Variants in CTDSPL observed in about 807,000 individuals in gnomAD.
The protein encoded by CTDSPL is CTD small phosphatase like.
Under a neutral mutation model 30.5 loss-of-function variants are expected in CTDSPL, and 8 were observed. That is an observed-to-expected ratio of 0.26 (90% confidence interval 0.15 to 0.47). The LOEUF (loss-of-function observed/expected upper bound fraction) is 0.47. CTDSPL is among the 20% of genes least tolerant of loss of function. The pLI is 0.99. For synonymous variants in CTDSPL, 110 were observed against 137.9 expected (o/e 0.80, Z 1.42); for missense variants, 248 against 366.1 (o/e 0.68, Z 2.63).
intron 1 of CTDSPL, among the ~76,000 whole-genome samples, chr3:37,900,595 C>T (rs1360298376): frequency 6.6e-6 from 1 of 152,106 alleles, no homozygotes; most frequent in East Asian, 1.9e-4. Context: ...AAAGATAAGT[C>T]ATCCATAATA....
chr3:37,925,161 C>T (rs985457666), intron 1 of CTDSPL, among the ~76,000 whole-genome samples: 1 of 152,156 alleles, frequency 6.6e-6, no homozygotes, highest in African/African-American at 2.4e-5. Flanking sequence ...CCTCTCTCCC[C>T]ACAACAGAAG....
chr3:37,981,617 T>C lies in CTDSPL; in HGVS notation c.*750T>C, dbSNP rs1559651479. On this transcript the variant is annotated 3_prime_UTR_variant, in exon 8 of 8. Transcript: ENST00000273179. ...CTTTAGGAAACAATAGATTATTTTA[T>C]ATTATTATTTCTGATGGTGACAAGT... 1 of 319,888 alleles carries C rather than the reference T, an allele frequency of 3.1e-6. No homozygotes were observed. Among genetic ancestry groups the C allele is most frequent in the Non-Finnish European group, 6.2e-6 (1 of 160,962 alleles). The allele number at this position is 319,888 out of a possible 1,614,324, so 19.8% of individuals were successfully genotyped here.
intron 1 of CTDSPL, among the ~76,000 whole-genome samples, chr3:37,879,707 C>T (rs1698179988): frequency 6.6e-6 from 1 of 152,124 alleles, no homozygotes. Context: ...CAGGATGCAG[C>T]AAATAGAGTA....
At position 37,862,734 on chromosome 3, in the gene CTDSPL, CTG is replaced by C. The variant is rs1697957923; in HGVS notation, c.79+459_79+460del. Among the ~76,000 whole-genome samples the C allele has an allele frequency of 6.6e-6, 1 of 152,152 alleles. No homozygotes were observed. The highest frequency in any genetic ancestry group is 2.4e-5 in the African/African-American group (1 of 41,524). Reference sequence around the variant, plus strand: ...TGTGAGTGCTTTTTTTCCTGACAGGCTGTGAGTTTGTGTTGTGTGTATTAGAG... The same window carrying C: ...TGTGAGTGCTTTTTTTCCTGACAGGCTGAGTTTGTGTTGTGTGTATTAGAG... On this transcript the variant is annotated intron_variant, in intron 1 of 7. Transcript: ENST00000273179. The surrounding 1 kb of genome is among the most constrained non-coding windows in gnomAD (Gnocchi z 4.3).
chr3:37,895,337 C>A (rs766458312), intron 1 of CTDSPL, among the ~76,000 whole-genome samples: 3 of 152,182 alleles, frequency 2.0e-5, no homozygotes, highest in African/African-American at 7.2e-5. Context: ...GGTTGCTTAG[C>A]GTCTGCCCCA....
chr3:37,913,290 A>G (rs529093426), intron 1 of CTDSPL, among the ~76,000 whole-genome samples: 31 of 152,336 alleles, frequency 2.0e-4, no homozygotes, highest in African/African-American at 7.5e-4. Context: ...ACTGCACTCC[A>G]GCCTGGGTGA....
intron 2 of CTDSPL, among the ~76,000 whole-genome samples, chr3:37,952,438 C>A (rs1253581912): frequency 2.0e-5 from 3 of 152,184 alleles, no homozygotes; most frequent in Non-Finnish European, 4.4e-5. Context: ...TATTTATGAT[C>A]TCAAAGTCGC....
At chr3:37,942,384 T>C (rs750342356) in intron 1 of CTDSPL, among the ~76,000 whole-genome samples, 7 of 150,630 alleles carry the variant, frequency 4.6e-5, no homozygotes, top group Non-Finnish European at 8.9e-5. Flanking sequence ...GCCTCACAAC[T>C]GTAAGCCCAG....
intron 1 of CTDSPL, among the ~76,000 whole-genome samples, chr3:37,869,042 A>G (rs985777749): frequency 2.0e-5 from 3 of 151,336 alleles, no homozygotes; most frequent in Non-Finnish European, 2.9e-5. Flanking sequence ...TGAACACAGT[A>G]CGTCTCTCTA....
chr3:37,894,573 T>C (rs1698370292), intron 1 of CTDSPL, among the ~76,000 whole-genome samples: 3 of 152,214 alleles, frequency 2.0e-5, no homozygotes, highest in Admixed American at 1.3e-4. Flanking sequence ...TATGTTTATC[T>C]TGCTTAGACT....
chr3:37,950,610 C>T (rs1699095788), intron 2 of CTDSPL, among the ~76,000 whole-genome samples: 1 of 152,104 alleles, frequency 6.6e-6, no homozygotes, highest in African/African-American at 2.4e-5. Context: ...GAACAGCAGG[C>T]ATCTAGGAGA....
At position 37,862,268 on chromosome 3, in the gene CTDSPL, G is replaced by A. The variant is rs1697950013; in HGVS notation, c.69G>A (p.Ala23=). ...PKEDEGRLPG[A]GEKASQCNVS... Reference sequence around the variant, plus strand: ...AGGACGAGGGCCGGTTGCCGGGCGCGGGCGAGAAAGGTGAGGAGGGGCGCA... The same window carrying A: ...AGGACGAGGGCCGGTTGCCGGGCGCAGGCGAGAAAGGTGAGGAGGGGCGCA... The change falls in exon 1 of 8, where the codon GCG becomes GCA. Residue 23 remains alanine, a synonymous_variant. Coordinates refer to ENST00000273179, the MANE Select transcript of CTDSPL (RefSeq NM_001008392.2). This position sits in a 1 kb window ranked among gnomAD's most constrained non-coding sequence, Gnocchi z 4.3. 7.4e-6 allele frequency: 11 copies of A among 1,494,572 alleles called. No homozygotes were observed. The highest frequency in any genetic ancestry group is 9.8e-6 in the Non-Finnish European group (11 of 1,125,398). 92.6% of individuals were successfully genotyped at this position (1,494,572 alleles called of 1,614,324 possible).
In CTDSPL at chr3:37,968,229, A is replaced by G. The variant is rs1175006070; in HGVS notation, c.426+347A>G. The G allele has an allele frequency of 6.5e-6, 3 of 460,916 alleles. No homozygotes were observed. The Admixed American group carries it at 7.5e-5, about 11-fold the overall frequency. The allele number at this position is 460,916 out of a possible 1,614,324, so 28.6% of individuals were successfully genotyped here. On this transcript the variant is annotated intron_variant, in intron 5 of 7. Coordinates refer to ENST00000273179, the MANE Select transcript of CTDSPL (RefSeq NM_001008392.2). ...CTACTCTCCTAGCAGGCAACAGGAA[A>G]ATGCCACAAGTCACCCACTTATGGT...
intron 1 of CTDSPL, among the ~76,000 whole-genome samples, chr3:37,867,739 G>A (rs934130917): frequency 3.3e-5 from 5 of 152,240 alleles, no homozygotes; most frequent in South Asian, 2.1e-4. Context: ...TAACGCTAAC[G>A]TCTTATATAA....
In CTDSPL at chr3:37,967,865, G is replaced by C. The variant is rs745705651; in HGVS notation, c.409G>C (p.Asp137His). 6.3e-7 allele frequency: 1 copy of C among 1,599,814 alleles called. No homozygotes were observed. The highest frequency in any genetic ancestry group is 1.7e-5 in the Admixed American group (1 of 57,192). The part of the protein sequence containing the change: ...NADFIVPVEI[D>H]GTIHQVYVLK... ...TGATTTTATTGTTCCGGTTGAAATCGATGGAACTATACATCAGGTAAGAAA... is the reference window on the plus strand; with the variant it reads ...TGATTTTATTGTTCCGGTTGAAATCCATGGAACTATACATCAGGTAAGAAA... Residue 137 changes from aspartate (D) to histidine (H), a missense_variant, in exon 5 of 8, where the codon GAT becomes CAT. Physicochemically the swap from Asp to His is moderately conservative, Grantham distance 81 (BLOSUM62 -1). Coordinates refer to ENST00000273179, the MANE Select transcript of CTDSPL (RefSeq NM_001008392.2).
At chr3:37,935,360 T>G (rs1698903636) in intron 1 of CTDSPL, among the ~76,000 whole-genome samples, 2 of 152,254 alleles carry the variant, frequency 1.3e-5, no homozygotes, top group Admixed American at 1.3e-4. Flanking sequence ...TAAACTTCTT[T>G]TATTTGATTA....
intron 1 of CTDSPL, among the ~76,000 whole-genome samples, chr3:37,936,129 T>C (rs1698912562): frequency 1.3e-5 from 2 of 152,298 alleles, no homozygotes; most frequent in East Asian, 1.9e-4. Context: ...TCCTGACCAT[T>C]GTTAAGCCAT....
At chr3:37,946,152 A>G (rs1699034783) in intron 1 of CTDSPL, among the ~76,000 whole-genome samples, 1 of 152,232 alleles carries the variant, frequency 6.6e-6, no homozygotes, top group African/African-American at 2.4e-5. Context: ...TCCCGGCTGC[A>G]TTCCCAGGCA....
intron 1 of CTDSPL, among the ~76,000 whole-genome samples, chr3:37,940,585 C>T (rs1698967229): frequency 6.7e-6 from 1 of 150,276 alleles, no homozygotes; most frequent in Non-Finnish European, 1.5e-5. Flanking sequence ...TACATCCTGC[C>T]ATGTTAAGAA....
Sources: allele counts gnomAD v4.1 joint callset (sites outside exome capture counted in the v4.1 genomes callset), GRCh38; gene constraint gnomAD v4.1.1; non-coding constraint Gnocchi (gnomAD v3.1); transcripts MANE v1.5; gene names NCBI Gene and HGNC (gene_info 2026-07-23, HGNC 2026-07-21).